The following FBXL14 variants were observed in gnomAD, a reference collection of about 807,000 sequenced individuals.
FBXL14 encodes the protein F-box/LRR-repeat protein 14.
A neutral mutation model predicts 24.5 loss-of-function variants in FBXL14; 11 were observed. The ratio of observed to expected loss-of-function variants is 0.45; its 90% CI spans 0.28 to 0.74. The LOEUF is 0.74. FBXL14 is among the 30% of genes least tolerant of loss of function. The pLI, the probability that FBXL14 is intolerant of heterozygous loss-of-function variation, is 0.12. For missense variants in FBXL14, 384 were observed against 545.6 expected (o/e 0.70, Z 2.95); for synonymous variants, 294 against 240.4 (o/e 1.22, Z -2.06).
intron 1 of FBXL14, among the ~76,000 whole-genome samples, chr12:1,581,334 G>A (rs1592470970): frequency 6.6e-6 from 1 of 152,160 alleles, no homozygotes; most frequent in Non-Finnish European, 1.5e-5. Context: ...CTGAGCCACG[G>A]GAACCTCCTG....
chr12:1,590,212 G>GAAAC (rs1438975381), intron 1 of FBXL14, among the ~76,000 whole-genome samples: 1 of 151,912 alleles, frequency 6.6e-6, no homozygotes, highest in Non-Finnish European at 1.5e-5. Flanking sequence ...CTTCCCCAAA[G>GAAAC]AAACAGAAGA....
In FBXL14 at chr12:1,593,629, C is replaced by T. The variant is rs770401653; in HGVS notation, c.438G>A (p.Glu146=). 4 of 1,614,190 alleles carry T rather than the reference C, an allele frequency of 2.5e-6. No homozygotes were observed. In the African/African-American group the frequency reaches 4.0e-5, roughly 16 times the overall value. The change falls in exon 1 of 2, where the codon GAG becomes GAA. Residue 146 remains glutamate (E), a synonymous_variant. Transcript: ENST00000339235. The surrounding 1 kb of genome is among the most constrained non-coding windows in gnomAD (Gnocchi z 7.4). ...TGCTGCAACCTCCCAGCTCCAGCAC[C>T]TCCAGGCCCTTGAGGTACTGGGCTA... is the stretch of plus-strand genomic sequence containing the variant. The part of the protein sequence containing the change: ...GRIAQYLKGL[E]VLELGGCSNI...
chr12:1,571,369 C>T (rs1053127920), intron 1 of FBXL14, among the ~76,000 whole-genome samples: 129 of 152,050 alleles, frequency 8.5e-4, no homozygotes, highest in African/African-American at 3.0e-3. Flanking sequence ...CCACCACACC[C>T]GGCTAATTTT....
chr12:1,588,457 T>C (rs1162750496), intron 1 of FBXL14, among the ~76,000 whole-genome samples: 2 of 152,214 alleles, frequency 1.3e-5, no homozygotes, highest in East Asian at 3.8e-4. Context: ...TGAAAGAACA[T>C]GATCGGTTCG....
chr12:1,568,803 G>A (rs905484414), intron 1 of FBXL14, among the ~76,000 whole-genome samples: 1 of 152,188 alleles, frequency 6.6e-6, no homozygotes, highest in South Asian at 2.1e-4. Context: ...GGAGGTTGCA[G>A]TGAGCCGAGA....
At chr12:1,570,085 C>CT (rs2094442857) in intron 1 of FBXL14, among the ~76,000 whole-genome samples, 1 of 152,214 alleles carries the variant, frequency 6.6e-6, no homozygotes, top group African/African-American at 2.4e-5. Flanking sequence ...CTCCGCCCAG[C>CT]TTTGTCTAGT....
In FBXL14 at chr12:1,569,986, G is replaced by T. The variant is rs1215643566; in HGVS notation, c.1195-3176C>A. ...TTCTGCAAGGAAGCTTTTCAGACAA[G>T]AAGGAGGCTTTTATGAGGTTCAGAT... On this transcript the variant is annotated intron_variant, in intron 1 of 1. Coordinates refer to ENST00000339235, the MANE Select transcript of FBXL14 (RefSeq NM_152441.3). The surrounding 1 kb of genome is among the most constrained non-coding windows in gnomAD (Gnocchi z 4.2). 6.6e-6 allele frequency among the ~76,000 whole-genome samples: 1 copy of T among 151,702 alleles called. No homozygotes were observed. Among genetic ancestry groups the T allele is most frequent in the African/African-American group, 2.4e-5 (1 of 40,962 alleles).
chr12:1,590,236 A>G (rs952217992), intron 1 of FBXL14, among the ~76,000 whole-genome samples: 4 of 152,170 alleles, frequency 2.6e-5, no homozygotes, highest in African/African-American at 9.7e-5. Flanking sequence ...ATCTAGTGTC[A>G]GGCTCAATTA....
At chr12:1,575,944 G>T (rs2094455064) in intron 1 of FBXL14, among the ~76,000 whole-genome samples, 1 of 152,210 alleles carries the variant, frequency 6.6e-6, no homozygotes, top group Non-Finnish European at 1.5e-5. Flanking sequence ...CACTTCTCTT[G>T]CTGAGGAAGC....
At chr12:1,588,986 C>A (rs910203830) in intron 1 of FBXL14, among the ~76,000 whole-genome samples, 24 of 151,342 alleles carry the variant, frequency 1.6e-4, no homozygotes, top group African/African-American at 5.8e-4. Flanking sequence ...CTTGTTCATA[C>A]GGTGTTCAAA....
chr12:1,577,427 TA>T (rs58447944), intron 1 of FBXL14, among the ~76,000 whole-genome samples: 112,867 of 149,918 alleles, frequency 0.75, 43,328 homozygotes, highest in Non-Finnish European at 0.84. Context: ...AATAAGGATT[TA>T]AAAAAAAAAA....
At position 1,593,681 on chromosome 12, in the gene FBXL14, T is replaced by G; in HGVS notation, c.386A>C (p.Gln129Pro). 1 of 1,614,172 alleles carries G rather than the reference T, an allele frequency of 6.2e-7. No homozygotes were observed. Among genetic ancestry groups the G allele is most frequent in the Non-Finnish European group, 8.5e-7 (1 of 1,180,022 alleles). Reference protein sequence around the residue: ...LRALNLSLCKQITDSSLGRIA... With the variant: ...LRALNLSLCKPITDSSLGRIA... ...GCGGCCCAGGCTGCTGTCAGTGATC[T>G]GCTTGCAGAGGCTCAGGTTGAGAGC... is the stretch of plus-strand genomic sequence containing the variant. The change falls in exon 1 of 2, where the codon CAG (glutamine) becomes CCG (proline). Residue 129 changes from glutamine to proline, a missense_variant. Coordinates refer to ENST00000339235, the MANE Select transcript of FBXL14 (RefSeq NM_152441.3). The surrounding 1 kb of genome is among the most constrained non-coding windows in gnomAD (Gnocchi z 7.4).
Position 1,567,268 on chromosome 12 carries a change from G to A in FBXL14, c.1195-458C>T, listed in dbSNP as rs553469459. Among the ~76,000 whole-genome samples the A allele has an allele frequency of 2.6e-5, 4 of 152,116 alleles. No homozygotes were observed. In the South Asian group the frequency reaches 8.3e-4, roughly 32 times the overall value. On this transcript the variant is annotated intron_variant, in intron 1 of 1. Transcript: ENST00000339235. This position sits in a 1 kb window ranked among gnomAD's most constrained non-coding sequence, Gnocchi z 4.8. ...ACCTGAGGTCAGGAGTTCGAGACCA[G>A]CCTGGCCAATATGGCAAAACCCCAT...
In FBXL14 at chr12:1,569,632, AC is replaced by A. The variant is rs1489246223; in HGVS notation, c.1195-2823del. 3.3e-5 allele frequency among the ~76,000 whole-genome samples: 5 copies of A among 151,948 alleles called. No individual in the cohort carries two copies. The highest frequency in any genetic ancestry group is 1.2e-4 in the African/African-American group (5 of 41,388). ...AGCCAGGATGGTCTCGATCTCCTGA[AC>A]TTGTGATCCGCCCGCCTCGGCCTCC... On this transcript the variant is annotated intron_variant, in intron 1 of 1. Transcript: ENST00000339235. This position sits in a 1 kb window ranked among gnomAD's most constrained non-coding sequence, Gnocchi z 4.2.
chr12:1,588,201 C>T (rs2094480872), intron 1 of FBXL14, among the ~76,000 whole-genome samples: 1 of 152,072 alleles, frequency 6.6e-6, no homozygotes, highest in South Asian at 2.1e-4. Context: ...CACAGTGGTC[C>T]CTGGGGGCCA....
intron 1 of FBXL14, among the ~76,000 whole-genome samples, chr12:1,592,190 G>GTATATATATATA (rs576737463): frequency 7.9e-5 from 11 of 139,076 alleles, no homozygotes; most frequent in African/African-American, 2.4e-4. Context: ...ACATATATAT[G>GTATATATATATA]TATATATATA....
rs755128237 is a variant in FBXL14 at position 1,593,608 on chromosome 12, G to C, written c.459C>G (p.Cys153Trp). 1 of 1,614,180 alleles carries C rather than the reference G, an allele frequency of 6.2e-7. No individual in the cohort carries two copies. Among genetic ancestry groups the C allele is most frequent in the Non-Finnish European group, 8.5e-7 (1 of 1,180,026 alleles). ...KGLEVLELGGCSNITNTGLLL... is the reference protein window; with the variant it reads ...KGLEVLELGGWSNITNTGLLL... ...GAAGGCCAGTGTTGGTGATGTTGCT[G>C]CAACCTCCCAGCTCCAGCACCTCCA... The change falls in exon 1 of 2, where the codon TGC becomes TGG. Residue 153 changes from cysteine (C) to tryptophan (W), a missense_variant. Cys to Trp is a radical substitution (Grantham distance 215). Coordinates refer to ENST00000339235, the MANE Select transcript of FBXL14 (RefSeq NM_152441.3). The surrounding 1 kb of genome is among the most constrained non-coding windows in gnomAD (Gnocchi z 7.4).
intron 1 of FBXL14, among the ~76,000 whole-genome samples, chr12:1,568,333 A>G (rs1176339139): frequency 6.6e-6 from 1 of 152,212 alleles, no homozygotes; most frequent in Admixed American, 6.5e-5. Context: ...AAAGTAAAGG[A>G]GAATAAAGAC....
At chr12:1,575,284 T>C (rs1029084154) in intron 1 of FBXL14, among the ~76,000 whole-genome samples, 2 of 152,248 alleles carry the variant, frequency 1.3e-5, no homozygotes, top group African/African-American at 4.8e-5. Flanking sequence ...TGATTAACAG[T>C]TGAACAAAAA....
Sources: allele counts gnomAD v4.1 joint callset (sites outside exome capture counted in the v4.1 genomes callset), GRCh38; gene constraint gnomAD v4.1.1; non-coding constraint Gnocchi (gnomAD v3.1); transcripts MANE v1.5; gene names NCBI Gene and HGNC (gene_info 2026-07-23, HGNC 2026-07-21).